Variants in ICE2 observed in about 807,000 individuals in gnomAD.
The protein encoded by ICE2 is little elongation complex subunit 2.
Under a neutral mutation model 105.4 loss-of-function variants are expected in ICE2, and 87 were observed. That is an observed-to-expected ratio of 0.83 (90% CI 0.69 to 0.99). ICE2 has a LOEUF of 0.99. ICE2 is among the 50% of genes least tolerant of loss of function. The pLI, the probability that ICE2 is intolerant of heterozygous loss-of-function variation, is 0.00. For synonymous variants in ICE2, 399 were observed against 392.0 expected, an observed-to-expected ratio of 1.02 and a Z score of -0.21; for missense variants, 1,323 against 1,146.7, an observed-to-expected ratio of 1.15 and a Z score of -2.22.
intron 3 of ICE2, among the ~76,000 whole-genome samples, 160 bp downstream of exon 3, chr15:60,475,903 A>G (rs2141177336): frequency 6.6e-6 from 1 of 152,256 alleles, no homozygotes; most frequent in Non-Finnish European, 1.5e-5. Flanking sequence ...GTGTGGAGAA[A>G]GGAATGAAGG....
chr15:60,439,493 G>A (rs780389842), intron 12 of ICE2: 1 of 152,070 alleles, frequency 6.6e-6, no homozygotes, highest in Non-Finnish European at 1.5e-5. Flanking sequence ...CGATTCTCCT[G>A]CCTCAGTCTC....
intron 15 of ICE2, among the ~76,000 whole-genome samples, chr15:60,427,097 T>C (rs1466101124): frequency 1.3e-5 from 2 of 152,238 alleles, no homozygotes; most frequent in African/African-American, 2.4e-5. Context: ...TCTAAAAGGA[T>C]ACTCCCAAAC....
chr15:60,460,727 A>G (rs1274058172), intron 5 of ICE2, among the ~76,000 whole-genome samples: 1 of 152,150 alleles, frequency 6.6e-6, no homozygotes. Flanking sequence ...AGCTCTAGAC[A>G]TTGCCAAATG....
intron 11 of ICE2, among the ~76,000 whole-genome samples, chr15:60,443,381 A>T (rs1387441490): frequency 1.3e-5 from 2 of 152,258 alleles, no homozygotes; most frequent in Non-Finnish European, 2.9e-5. Context: ...CACCATTTAC[A>T]GATTTGAAAA....
At chr15:60,465,082 T>A (rs1189174146) in intron 5 of ICE2, among the ~76,000 whole-genome samples, 1 of 152,186 alleles carries the variant, frequency 6.6e-6, no homozygotes, top group Non-Finnish European at 1.5e-5. Context: ...ATTATGACAT[T>A]CCCTTTGGAT....
rs184582965 is a variant in ICE2, at chr15:60,421,280, A to C, written c.*2354T>G. 77 of 152,078 alleles carry C rather than the reference A, an allele frequency of 5.1e-4. No homozygotes were observed. The highest frequency in any genetic ancestry group is 1.7e-3 in the African/African-American group (70 of 41,470). 9.4% of individuals were successfully genotyped at this position (152,078 alleles called of 1,614,324 possible). A position where few individuals can be genotyped will look rare whatever the true frequency, so the allele number is the denominator to read the frequency against. The stretch of plus-strand genomic sequence containing the variant: ...ACCCAGGATGGAGTGCAGTGGCACC[A>C]TCATAGCTCACTGCAGCCTCAAACT... On this transcript the variant is annotated 3_prime_UTR_variant, in exon 16 of 16. Coordinates refer to ENST00000261520, the MANE Select transcript of ICE2 (RefSeq NM_024611.6).
chr15:60,421,397 A>ATTGGC lies in ICE2; in HGVS notation c.*2236_*2237insGCCAA, dbSNP rs2063241505. ...TTGTCAGTTACTTCTTGGCTTATAA[A>ATTGGC]TTCTCAGTACTAAAAATCAAGAAAA... On this transcript the variant is annotated 3_prime_UTR_variant, in exon 16 of 16. Coordinates refer to ENST00000261520, the MANE Select transcript of ICE2 (RefSeq NM_024611.6). The ATTGGC allele has an allele frequency of 6.6e-6, 1 of 152,122 alleles. No individual in the cohort carries two copies. Among genetic ancestry groups the ATTGGC allele is most frequent in the Admixed American group, 6.5e-5 (1 of 15,272 alleles). The allele number at this position is 152,122 out of a possible 1,614,324, so 9.4% of individuals were successfully genotyped here.
chr15:60,453,055 A>C (rs2064003257), intron 9 of ICE2: 4 of 727,374 alleles, frequency 5.5e-6, no homozygotes, highest in Non-Finnish European at 6.7e-6. Flanking sequence ...ACATGGCGAA[A>C]TCTCATCTCT....
At chr15:60,463,517 T>A (rs1316940288) in intron 5 of ICE2, among the ~76,000 whole-genome samples, 1 of 152,198 alleles carries the variant, frequency 6.6e-6, no homozygotes, top group Admixed American at 6.5e-5. Context: ...CTCACGCCTA[T>A]AAACCAGCAC....
At chr15:60,460,232 ACCTGTAAT>A (rs2064236971) in intron 5 of ICE2, among the ~76,000 whole-genome samples, 2 of 152,164 alleles carry the variant, frequency 1.3e-5, no homozygotes, top group Admixed American at 1.3e-4. Context: ...GGTGGCTCAC[ACCTGTAAT>A]CCCAACACTT....
chr15:60,438,808 A>T (rs1280138495), intron 12 of ICE2: 2 of 152,166 alleles, frequency 1.3e-5, no homozygotes, highest in East Asian at 3.8e-4. Context: ...GATACTCATC[A>T]CCTCAGCCCT....
At chr15:60,462,349 T>A (rs1230527124) in intron 5 of ICE2, among the ~76,000 whole-genome samples, 1 of 152,132 alleles carries the variant, frequency 6.6e-6, no homozygotes, top group South Asian at 2.1e-4. Flanking sequence ...TTATAAAACA[T>A]GGTGATGATA....
chr15:60,428,494 T>C lies in ICE2; in HGVS notation c.2755A>G (p.Ile919Val). Residue 919 changes from isoleucine (I) to valine (V), a missense_variant, in exon 15 of 16, where the codon ATC becomes GTC. Physicochemically the swap from Ile to Val is conservative, Grantham distance 29 (BLOSUM62 3). Coordinates refer to ENST00000261520, the MANE Select transcript of ICE2 (RefSeq NM_024611.6). ...GTACAAGGTATTCTTCCATGATGGA[T>C]ATGATATGGTAATAACAGGCTGGGA... ...LDPSLLLPYH[I>V]HHGRIPCTFP... 5 of 1,614,078 alleles carry C rather than the reference T, an allele frequency of 3.1e-6. No individual in the cohort carries two copies. Among genetic ancestry groups the C allele is most frequent in the Non-Finnish European group, 4.2e-6 (5 of 1,179,930 alleles).
chr15:60,454,949 T>C, intron 8 of ICE2, 54 bp downstream of exon 8: 2 of 1,444,040 alleles, frequency 1.4e-6, no homozygotes, highest in Admixed American at 2.5e-5. Context: ...AGTGAGAACA[T>C]GCAGTCCAAC....
chr15:60,451,904 G>T, intron 9 of ICE2: 1 of 239,114 alleles, frequency 4.2e-6, no homozygotes, highest in Non-Finnish European at 6.8e-6. Flanking sequence ...TGGGAATCCT[G>T]TTTTCTTCAG....
chr15:60,459,769 G>T (rs1481170438), intron 5 of ICE2, among the ~76,000 whole-genome samples: 1 of 152,122 alleles, frequency 6.6e-6, no homozygotes, highest in Admixed American at 6.5e-5. Flanking sequence ...ATTGAATAAC[G>T]GAAGTATTGA....
intron 11 of ICE2, chr15:60,445,728 A>C: frequency 1.0e-6 from 1 of 985,308 alleles, no homozygotes; most frequent in Non-Finnish European, 1.2e-6. Context: ...CTGGTATCCA[A>C]AATTTCCCTA....
At chr15:60,466,120 T>C (rs2064420638) in intron 5 of ICE2, among the ~76,000 whole-genome samples, 2 of 152,206 alleles carry the variant, frequency 1.3e-5, no homozygotes, top group Non-Finnish European at 2.9e-5. Context: ...GCTGGGATGA[T>C]ATACAGGTCT....
At chr15:60,463,220 T>C (rs1300256259) in intron 5 of ICE2, among the ~76,000 whole-genome samples, 3 of 152,224 alleles carry the variant, frequency 2.0e-5, no homozygotes, top group African/African-American at 7.2e-5. Context: ...AGCATCTGTA[T>C]ATCGAACAGA....
Sources: gnomAD v4.1 joint callset for allele counts (sites outside exome capture counted in the v4.1 genomes callset) on GRCh38, gnomAD v4.1.1 for gene constraint, MANE v1.5 for transcripts, NCBI Gene and HGNC (gene_info 2026-07-23, HGNC 2026-07-21) for gene names.